The following TNR variants were observed in gnomAD, a reference collection of about 807,000 sequenced individuals.
TNR encodes the protein tenascin-R.
TNR carries 45 observed loss-of-function variants against 150.4 expected under a neutral mutation model. The observed-to-expected ratio is 0.30, with a 90% CI of 0.24 to 0.38. The LOEUF (loss-of-function observed/expected upper bound fraction) is 0.38. TNR is among the 10% of genes least tolerant of loss of function. The probability of loss-of-function intolerance (pLI) is 1.00; values close to 1 mark genes in which losing one functional copy is unlikely to be tolerated. For synonymous variants in TNR, 687 were observed against 678.4 expected (o/e 1.01, Z -0.20); for missense variants, 1,544 against 1,759.1 (o/e 0.88, Z 2.19).
intron 3 of TNR, among the ~76,000 whole-genome samples, chr1:175,404,761 A>G (rs1227897676): frequency 6.6e-6 from 1 of 152,264 alleles, no homozygotes; most frequent in East Asian, 1.9e-4. Flanking sequence ...TGCAGAGTCC[A>G]TGCTCATGGA....
chr1:175,553,551 T>C (rs1285758959), intron 1 of TNR, among the ~76,000 whole-genome samples: 1 of 152,230 alleles, frequency 6.6e-6, no homozygotes, highest in Non-Finnish European at 1.5e-5. Flanking sequence ...AATGCTGTCT[T>C]TGATTCTGAG....
intron 2 of TNR, among the ~76,000 whole-genome samples, chr1:175,435,390 A>G (rs534649998): frequency 5.3e-5 from 8 of 152,334 alleles, no homozygotes; most frequent in Non-Finnish European, 8.8e-5. Context: ...GTGGAAATAG[A>G]AGATTGACAT....
At chr1:175,602,472 A>G (rs537669056) in intron 1 of TNR, among the ~76,000 whole-genome samples, 14 of 152,342 alleles carry the variant, frequency 9.2e-5, no homozygotes, top group Admixed American at 2.0e-4. Flanking sequence ...TCTGACTAAC[A>G]TCAAGTTTAT....
intron 1 of TNR, among the ~76,000 whole-genome samples, chr1:175,551,677 GAGA>G (rs1660943810): frequency 6.6e-6 from 1 of 152,182 alleles, no homozygotes; most frequent in African/African-American, 2.4e-5. Flanking sequence ...AAAGAAAAAT[GAGA>G]AGATTAAAAA....
At chr1:175,590,338 A>G (rs1662750076) in intron 1 of TNR, among the ~76,000 whole-genome samples, 1 of 152,194 alleles carries the variant, frequency 6.6e-6, no homozygotes, top group Non-Finnish European at 1.5e-5. Flanking sequence ...AGATTTTTGT[A>G]TTAATTTTGA....
At chr1:175,502,681 T>G (rs1401620234) in intron 2 of TNR, among the ~76,000 whole-genome samples, 1 of 152,116 alleles carries the variant, frequency 6.6e-6, no homozygotes, top group East Asian at 1.9e-4. Context: ...GGAAAACCAG[T>G]CTAAAGCAAT....
At chr1:175,370,714 A>G (rs935445314) in intron 9 of TNR, among the ~76,000 whole-genome samples, 4 of 152,162 alleles carry the variant, frequency 2.6e-5, no homozygotes, top group African/African-American at 7.2e-5. Context: ...AAGACCTTCA[A>G]TTGCCTATAA....
intron 2 of TNR, among the ~76,000 whole-genome samples, chr1:175,435,284 C>T (rs372219772): frequency 1.2e-4 from 18 of 152,080 alleles, no homozygotes; most frequent in East Asian, 3.9e-4. Flanking sequence ...ATTCTAGATA[C>T]ATTTTGAAGG....
At chr1:175,343,920 C>T (rs1650646178) in intron 18 of TNR, among the ~76,000 whole-genome samples, 1 of 152,170 alleles carries the variant, frequency 6.6e-6, no homozygotes, top group African/African-American at 2.4e-5. Flanking sequence ...GCCTCGAGTA[C>T]AAGATGTCCA....
intron 8 of TNR, among the ~76,000 whole-genome samples, chr1:175,385,752 C>T (rs185145081): frequency 1.5e-4 from 23 of 152,276 alleles, no homozygotes; most frequent in African/African-American, 4.1e-4. Context: ...ATTTTACAAA[C>T]GGGAAACCTG....
At chr1:175,590,699 G>A (rs76023221) in intron 1 of TNR, among the ~76,000 whole-genome samples, 1 of 152,260 alleles carries the variant, frequency 6.6e-6, no homozygotes, top group Admixed American at 6.5e-5. Flanking sequence ...AAAGGACAGC[G>A]TGGGCTAAGG....
At chr1:175,555,243 G>A (rs1331739920) in intron 1 of TNR, among the ~76,000 whole-genome samples, 2 of 152,192 alleles carry the variant, frequency 1.3e-5, no homozygotes, top group Non-Finnish European at 2.9e-5. Flanking sequence ...TACATACAGA[G>A]GGGAAAAATC....
At position 175,523,029 on chromosome 1, in the gene TNR, G is replaced by A. The variant is rs186553739; in HGVS notation, c.-64+5240C>T. 4.6e-5 allele frequency among the ~76,000 whole-genome samples: 7 copies of A among 152,276 alleles called. No individual in the cohort carries two copies. In the South Asian group the frequency reaches 6.2e-4, roughly 14 times the overall value. On this transcript the variant is annotated intron_variant, in intron 2 of 22. Coordinates refer to ENST00000367674, the MANE Select transcript of TNR (RefSeq NM_003285.3). ...CACATTGACCTTCGGGACTCTGCAC[G>A]TGGGTCCCATCATGCAGCGTGCTCT...
At chr1:175,438,945 C>G (rs545179596) in intron 2 of TNR, among the ~76,000 whole-genome samples, 102 of 152,240 alleles carry the variant, frequency 6.7e-4, no homozygotes, top group African/African-American at 1.8e-3. Flanking sequence ...AATGGCCATA[C>G]TGCCCAAGGT....
At chr1:175,337,755 G>T (rs994462680) in intron 18 of TNR, 76 bp from the exon 19 acceptor site, 12 of 1,523,328 alleles carry the variant, frequency 7.9e-6, no homozygotes, top group African/African-American at 1.4e-5. Context: ...ATCATAGAAG[G>T]TCTTAGCAGG....
intron 1 of TNR, among the ~76,000 whole-genome samples, chr1:175,568,942 C>T (rs973937829): frequency 6.6e-6 from 1 of 152,080 alleles, no homozygotes; most frequent in Admixed American, 6.6e-5. Flanking sequence ...CTCTCTCTTG[C>T]CCTGTCCACT....
chr1:175,570,743 C>T (rs1483717961), intron 1 of TNR, among the ~76,000 whole-genome samples: 1 of 152,008 alleles, frequency 6.6e-6, no homozygotes, highest in Non-Finnish European at 1.5e-5. Flanking sequence ...ACAAATGACT[C>T]CTTTATAAAA....
chr1:175,592,492 G>A (rs1442604101), intron 1 of TNR, among the ~76,000 whole-genome samples: 1 of 151,210 alleles, frequency 6.6e-6, no homozygotes, highest in Non-Finnish European at 1.5e-5. Context: ...CTGACTGAGG[G>A]ACCCCTGGCT....
chr1:175,400,453 T>C (rs530425219), intron 4 of TNR, among the ~76,000 whole-genome samples: 3 of 152,350 alleles, frequency 2.0e-5, no homozygotes, highest in African/African-American at 7.2e-5. Context: ...TATTCATGAA[T>C]GTTTTGTTCT....
Sources: allele counts gnomAD v4.1 joint callset (sites outside exome capture counted in the v4.1 genomes callset), GRCh38; gene constraint gnomAD v4.1.1; transcripts MANE v1.5; gene names NCBI Gene and HGNC (gene_info 2026-07-23, HGNC 2026-07-21).